Variants in FBXW4 observed in about 807,000 individuals in gnomAD.
FBXW4 encodes F-box and WD repeat domain containing 4.
FBXW4 carries 40 observed loss-of-function variants against 61.8 expected under a neutral mutation model. The ratio of observed to expected loss-of-function variants is 0.65; its 90% CI spans 0.50 to 0.84. FBXW4 has a LOEUF of 0.84. Among genes scored for constraint, FBXW4 ranks in the 40% least tolerant of loss-of-function variants. The pLI is 0.00. For synonymous variants in FBXW4, 311 were observed against 313.8 expected, an observed-to-expected ratio of 0.99 and a Z score of 0.10; for missense variants, 672 against 753.8, an observed-to-expected ratio of 0.89 and a Z score of 1.27.
chr10:101,682,339 A>G (rs2064487179), intron 1 of FBXW4, among the ~76,000 whole-genome samples: 1 of 152,180 alleles, frequency 6.6e-6, no homozygotes, highest in South Asian at 2.1e-4. Context: ...ATCACTATAG[A>G]GCCACCTACA....
At chr10:101,683,391 C>T (rs1279853549) in intron 1 of FBXW4, among the ~76,000 whole-genome samples, 4 of 152,216 alleles carry the variant, frequency 2.6e-5, no homozygotes, top group African/African-American at 9.7e-5. Context: ...CCACTAGGCC[C>T]CTTCTCTCTC....
At chr10:101,683,594 C>G (rs1564926831) in intron 1 of FBXW4, among the ~76,000 whole-genome samples, 1 of 152,134 alleles carries the variant, frequency 6.6e-6, no homozygotes, top group Non-Finnish European at 1.5e-5. Context: ...TCCTTGCTCA[C>G]ACCCCAAAAC....
chr10:101,694,875 C>G lies in FBXW4; in HGVS notation c.231G>C (p.Ala77=). 2.4e-6 allele frequency: 3 copies of G among 1,243,268 alleles called. No homozygotes were observed. Among genetic ancestry groups the G allele is most frequent in the South Asian group, 7.2e-5 (2 of 27,804 alleles). The allele number at this position is 1,243,268 out of a possible 1,614,324, so 77.0% of individuals were successfully genotyped here. Reference sequence around the variant, plus strand: ...CTGCTTCCTCCCTTGGGCATGCCCTCGCTCCCGCGTCAGCCCCCGGCCCGG... The same window carrying G: ...CTGCTTCCTCCCTTGGGCATGCCCTGGCTCCCGCGTCAGCCCCCGGCCCGG... ...EAAGPGADAG[A]RACPREEAEG... Residue 77 remains alanine (A), a synonymous_variant, in exon 1 of 9, where the codon GCG becomes GCC. Transcript: ENST00000331272. This position sits in a 1 kb window ranked among gnomAD's most constrained non-coding sequence, Gnocchi z 6.0.
rs541359460 is a variant in FBXW4, at chr10:101,647,920, C to T, written c.1235+19966G>A. On this transcript the variant is annotated intron_variant, in intron 5 of 8. Transcript: ENST00000331272. ...CATCCCACCCCCAATATTCTGCTATCCCTCTGTGGAAAAGCCAAAGAGCTT... is the reference window on the plus strand; with the variant it reads ...CATCCCACCCCCAATATTCTGCTATTCCTCTGTGGAAAAGCCAAAGAGCTT... Among the ~76,000 whole-genome samples the T allele has an allele frequency of 3.3e-5, 5 of 152,282 alleles. No individual in the cohort carries two copies. In the South Asian group the frequency reaches 1.0e-3, roughly 32 times the overall value.
intron 5 of FBXW4, 132 bp downstream of exon 5, chr10:101,667,754 T>TA (rs879641901): frequency 2.7e-6 from 2 of 753,336 alleles, no homozygotes; most frequent in African/African-American, 1.7e-5. Context: ...TCTGGAGGAT[T>TA]AAAAAATCTC....
At chr10:101,666,913 CA>C (rs2064306989) in intron 5 of FBXW4, among the ~76,000 whole-genome samples, 2 of 142,524 alleles carry the variant, frequency 1.4e-5, no homozygotes, top group African/African-American at 5.3e-5. Context: ...ACAACAGAAA[CA>C]AAAAAAGAAT....
At position 101,612,258 on chromosome 10, in the gene FBXW4, G is replaced by A. The variant is rs2063793029; in HGVS notation, c.1442+79C>T. The stretch of plus-strand genomic sequence containing the variant: ...ATGGAGTCTCTGTGCCCTCTCCCAT[G>A]GGCCAACCCAGGACTGGAGGAAGGA... On this transcript the variant is annotated intron_variant, in intron 7 of 8. Transcript: ENST00000331272. The A allele has an allele frequency of 3.6e-6, 5 of 1,386,362 alleles. No individual in the cohort carries two copies. The Admixed American group carries it at 1.1e-4, about 32-fold the overall frequency. The allele number at this position is 1,386,362 out of a possible 1,614,324, so 85.9% of individuals were successfully genotyped here. A position where few individuals can be genotyped will look rare whatever the true frequency, so the allele number is the denominator to read the frequency against.
At chr10:101,644,544 G>A (rs568282687) in intron 5 of FBXW4, among the ~76,000 whole-genome samples, 1 of 152,328 alleles carries the variant, frequency 6.6e-6, no homozygotes, top group African/African-American at 2.4e-5. Context: ...CTATGCAGCA[G>A]GGTGGCCACA....
At chr10:101,654,106 C>T (rs936484905) in intron 5 of FBXW4, among the ~76,000 whole-genome samples, 3 of 112,424 alleles carry the variant, frequency 2.7e-5, no homozygotes, top group African/African-American at 7.1e-5. Flanking sequence ...GGCGACAGAG[C>T]GAGACTCCGT....
chr10:101,672,137 T>C (rs1418188659), intron 4 of FBXW4, among the ~76,000 whole-genome samples: 1 of 152,212 alleles, frequency 6.6e-6, no homozygotes, highest in Admixed American at 6.5e-5. Context: ...GGAACCTAGA[T>C]GCTAGGAAAT....
intron 5 of FBXW4, among the ~76,000 whole-genome samples, chr10:101,659,599 G>A (rs2064223399): frequency 6.6e-6 from 1 of 152,190 alleles, no homozygotes; most frequent in South Asian, 2.1e-4. Context: ...CTGATGGGAA[G>A]GAGACCAGAG....
At chr10:101,624,401 G>A (rs915109426) in intron 6 of FBXW4, among the ~76,000 whole-genome samples, 1 of 152,156 alleles carries the variant, frequency 6.6e-6, no homozygotes, top group Non-Finnish European at 1.5e-5. Context: ...AGGTCCGTAG[G>A]CCACCTTCAA....
intron 5 of FBXW4, among the ~76,000 whole-genome samples, chr10:101,653,523 C>T (rs1239938769): frequency 1.3e-5 from 2 of 152,216 alleles, no homozygotes; most frequent in African/African-American, 2.4e-5. Flanking sequence ...GACCAGTCCC[C>T]TTGCTTGAAG....
chr10:101,612,776 G>C (rs2063798792), intron 6 of FBXW4, among the ~76,000 whole-genome samples: 1 of 151,900 alleles, frequency 6.6e-6, no homozygotes, highest in Non-Finnish European at 1.5e-5. Flanking sequence ...ACAATGAATG[G>C]GGGGGCTTGC....
intron 5 of FBXW4, among the ~76,000 whole-genome samples, chr10:101,640,544 T>C (rs1183157694): frequency 9.1e-5 from 12 of 132,530 alleles, no homozygotes; most frequent in Admixed American, 8.1e-4. Context: ...CAGGCTGGAG[T>C]GCAGTGGCAT....
At chr10:101,641,393 C>A (rs1442581350) in intron 5 of FBXW4, among the ~76,000 whole-genome samples, 1 of 152,048 alleles carries the variant, frequency 6.6e-6, no homozygotes, top group Non-Finnish European at 1.5e-5. Flanking sequence ...CAATCAAAAC[C>A]AATTGACTGT....
intron 6 of FBXW4, among the ~76,000 whole-genome samples, chr10:101,615,045 T>TC (rs74806890): frequency 0.22 from 33,990 of 152,144 alleles, 4,363 homozygotes; most frequent in Non-Finnish European, 0.29. Flanking sequence ...CCTCCTGGGC[T>TC]CTTTTCTTAC....
intron 5 of FBXW4, among the ~76,000 whole-genome samples, chr10:101,643,273 T>A (rs1357771001): frequency 6.6e-6 from 1 of 152,240 alleles, no homozygotes; most frequent in African/African-American, 2.4e-5. Flanking sequence ...AGGTGGCTGC[T>A]GGCCATTGAG....
intron 6 of FBXW4, among the ~76,000 whole-genome samples, chr10:101,623,362 A>C (rs1244348968): frequency 6.6e-6 from 1 of 152,220 alleles, no homozygotes; most frequent in Non-Finnish European, 1.5e-5. Flanking sequence ...AGCCTTGGCA[A>C]TATAATGAGA....
Sources: gnomAD v4.1 joint callset for allele counts (sites outside exome capture counted in the v4.1 genomes callset) on GRCh38, gnomAD v4.1.1 for gene constraint, Gnocchi (gnomAD v3.1) non-coding constraint, MANE v1.5 for transcripts, NCBI Gene and HGNC (gene_info 2026-07-23, HGNC 2026-07-21) for gene names.